The following DOCK5 variants were observed in gnomAD, a reference collection of about 807,000 sequenced individuals.
DOCK5 encodes dedicator of cytokinesis protein 5.
A neutral mutation model predicts 251.8 loss-of-function variants in DOCK5; 142 were observed. The observed-to-expected ratio is 0.56, with a 90% confidence interval of 0.49 to 0.65. DOCK5 has a LOEUF of 0.65. DOCK5 is among the 30% of genes least tolerant of loss of function. The pLI, the probability that DOCK5 is intolerant of heterozygous loss-of-function variation, is 0.00. For synonymous variants in DOCK5, 842 were observed against 835.5 expected (o/e 1.01, Z -0.13); for missense variants, 2,111 against 2,312.3 (o/e 0.91, Z 1.79).
At chr8:25,349,205 T>C (rs1800423599) in intron 26 of DOCK5, among the ~76,000 whole-genome samples, 1 of 151,968 alleles carries the variant, frequency 6.6e-6, no homozygotes, top group South Asian at 2.1e-4. Flanking sequence ...CAAAAAACAA[T>C]AGATGTGGGC....
chr8:25,363,169 G>T, intron 29 of DOCK5, 28 bp downstream of exon 29: 1 of 1,587,834 alleles, frequency 6.3e-7, no homozygotes. Context: ...TGGCCCTGAG[G>T]CATTTGTCTG....
intron 26 of DOCK5, among the ~76,000 whole-genome samples, chr8:25,349,973 G>T (rs928490557): frequency 6.6e-6 from 1 of 152,168 alleles, no homozygotes; most frequent in African/African-American, 2.4e-5. Flanking sequence ...CTTCTATGTG[G>T]AATCTAAAAA....
chr8:25,303,977 A>G (rs1436324243), intron 10 of DOCK5, among the ~76,000 whole-genome samples: 1 of 152,186 alleles, frequency 6.6e-6, no homozygotes, highest in Middle Eastern at 3.2e-3. Flanking sequence ...ATAAAAAGCA[A>G]AAGAATTTAG....
Position 25,380,293 on chromosome 8 carries a change from C to T in DOCK5, c.3937-12C>T, listed in dbSNP as rs752674808. 1.7e-5 allele frequency: 28 copies of T among 1,603,870 alleles called. No homozygotes were observed. In the Middle Eastern group the frequency reaches 4.9e-4, roughly 28 times the overall value. ...GTTCTCCACTTTTAACCTTACTTTC[C>T]TTTTTCTGAAGATGTGGGAGAAGGC... is the stretch of plus-strand genomic sequence containing the variant. On this transcript the variant is annotated splice_polypyrimidine_tract_variant and intron_variant, in intron 38 of 51. Transcript: ENST00000276440.
At chr8:25,372,457 A>G in intron 34 of DOCK5, 102 bp from the exon 35 acceptor site, 1 of 1,264,606 alleles carries the variant, frequency 7.9e-7, no homozygotes, top group East Asian at 2.7e-5. Context: ...TGTGTCATCA[A>G]ATCCTGCCCC....
intron 1 of DOCK5, among the ~76,000 whole-genome samples, chr8:25,221,868 G>A (rs1470928192): frequency 2.6e-5 from 4 of 152,288 alleles, no homozygotes; most frequent in African/African-American, 9.6e-5. Context: ...GCTTGGAGCT[G>A]GGACTTATAT....
At chr8:25,382,412 C>T (rs990324142) in intron 39 of DOCK5, among the ~76,000 whole-genome samples, 1 of 152,292 alleles carries the variant, frequency 6.6e-6, no homozygotes, top group East Asian at 1.9e-4. Flanking sequence ...TGCACTGCCC[C>T]GTTACGCAGA....
chr8:25,389,001 G>C (rs183052069), intron 40 of DOCK5, 90 bp from the exon 41 acceptor site: 23 of 1,258,080 alleles, frequency 1.8e-5, no homozygotes, highest in Non-Finnish European at 2.6e-5. Context: ...CGTTGGCTGG[G>C]GAGTGCAGTG....
chr8:25,394,184 T>G (rs765585328), intron 44 of DOCK5, among the ~76,000 whole-genome samples: 4 of 152,142 alleles, frequency 2.6e-5, no homozygotes, highest in Non-Finnish European at 4.4e-5. Context: ...ATAATTGCAC[T>G]ACTGCAGTCC....
intron 5 of DOCK5, among the ~76,000 whole-genome samples, chr8:25,291,282 G>A (rs1207819384): frequency 6.6e-6 from 1 of 152,168 alleles, no homozygotes; most frequent in Admixed American, 6.5e-5. Context: ...TGCAAGAGGG[G>A]AGGGTGTAGA....
chr8:25,194,743 C>A (rs373562627), intron 1 of DOCK5, among the ~76,000 whole-genome samples: 1 of 152,116 alleles, frequency 6.6e-6, no homozygotes, highest in African/African-American at 2.4e-5. Flanking sequence ...CCGCACTTTC[C>A]CCAGTTTCTT....
chr8:25,274,101 C>T (rs939780777), intron 3 of DOCK5, among the ~76,000 whole-genome samples: 10 of 152,082 alleles, frequency 6.6e-5, no homozygotes, highest in Admixed American at 2.0e-4. Context: ...TTATTGGCAA[C>T]GGATTAAAAG....
At chr8:25,366,821 T>A (rs1563217872) in intron 30 of DOCK5, 49 bp from the exon 31 acceptor site, 1 of 1,454,616 alleles carries the variant, frequency 6.9e-7, no homozygotes, top group Non-Finnish European at 9.6e-7. Context: ...ATGGCCCTTA[T>A]TAATGTTATT....
rs931191480 is a variant in DOCK5 at position 25,412,853 on chromosome 8, C to T, written c.*1555C>T. On this transcript the variant is annotated 3_prime_UTR_variant, in exon 52 of 52. Transcript: ENST00000276440. ...TCAGGAGAGAACTACACCAGTTCAT[C>T]ATGAGGGTCAGGGAAGCAAAAGCTC... is the stretch of plus-strand genomic sequence containing the variant. 6.6e-6 allele frequency: 1 copy of T among 152,202 alleles called. No individual in the cohort carries two copies. The highest frequency in any genetic ancestry group is 1.5e-5 in the Non-Finnish European group (1 of 68,038). 9.4% of individuals were successfully genotyped at this position (152,202 alleles called of 1,614,324 possible). A position where few individuals can be genotyped will look rare whatever the true frequency, so the allele number is the denominator to read the frequency against.
Position 25,407,977 on chromosome 8 carries a change from C to A in DOCK5, c.5094-6C>A. The stretch of plus-strand genomic sequence containing the variant: ...TGTGATGTTTGTCCTTGTTCCTGGC[C>A]AATAGCTCAATCTTGGAGCCACTTT... On this transcript the variant is annotated splice_polypyrimidine_tract_variant and splice_region_variant and intron_variant, in intron 48 of 51. Coordinates refer to ENST00000276440, the MANE Select transcript of DOCK5 (RefSeq NM_024940.8). The A allele has an allele frequency of 6.2e-7, 1 of 1,608,870 alleles. No individual in the cohort carries two copies. Among genetic ancestry groups the A allele is most frequent in the South Asian group, 1.1e-5 (1 of 90,218 alleles).
intron 1 of DOCK5, among the ~76,000 whole-genome samples, chr8:25,195,163 C>T (rs1223661864): frequency 2.0e-5 from 3 of 152,062 alleles, no homozygotes; most frequent in Middle Eastern, 3.2e-3. Flanking sequence ...TCAAGTGATC[C>T]ACCCGCCTTG....
chr8:25,374,378 C>T (rs1010104282), intron 36 of DOCK5, among the ~76,000 whole-genome samples, 186 bp from the exon 37 acceptor site: 1 of 152,148 alleles, frequency 6.6e-6, no homozygotes, highest in African/African-American at 2.4e-5. Flanking sequence ...GTGGCACGTG[C>T]CAGCTACTTA....
rs148402014 is a variant in DOCK5, at chr8:25,201,680, T to C, written c.43+16729T>C. ...TGGGATTTTTGAAGTCCAAGTCTCC[T>C]AACTTTTATTACTCTTTACCTTGTG... is the stretch of plus-strand genomic sequence containing the variant. On this transcript the variant is annotated intron_variant, in intron 1 of 51. Coordinates refer to ENST00000276440, the MANE Select transcript of DOCK5 (RefSeq NM_024940.8). Among the ~76,000 whole-genome samples the C allele has an allele frequency of 2.2e-3, 330 of 152,330 alleles. 1 individual carries two copies. Among genetic ancestry groups the C allele is most frequent in the Middle Eastern group, 6.8e-3 (2 of 294 alleles).
intron 43 of DOCK5, among the ~76,000 whole-genome samples, chr8:25,392,338 C>A (rs1488671180): frequency 1.3e-5 from 2 of 151,154 alleles, no homozygotes; most frequent in African/African-American, 4.9e-5. Flanking sequence ...ATTGACATCC[C>A]AAGTGGAGAT....
Sources: gnomAD v4.1 joint callset for allele counts (sites outside exome capture counted in the v4.1 genomes callset) on GRCh38, gnomAD v4.1.1 for gene constraint, MANE v1.5 for transcripts, NCBI Gene and HGNC (gene_info 2026-07-23, HGNC 2026-07-21) for gene names.